The following CFAP54 variants were observed in gnomAD, a reference collection of about 807,000 sequenced individuals.
CFAP54 encodes cilia- and flagella-associated protein 54.
CFAP54 carries 290 observed loss-of-function variants against 370.4 expected under a neutral mutation model. The observed-to-expected ratio is 0.78, with a 90% CI of 0.71 to 0.86. The LOEUF (loss-of-function observed/expected upper bound fraction) is 0.86, where lower values mean the gene tolerates loss of function less well. Among genes scored for constraint, CFAP54 ranks in the 40% least tolerant of loss-of-function variants. The pLI, the probability that CFAP54 is intolerant of heterozygous loss-of-function variation, is 0.00. For synonymous variants in CFAP54, 1,206 were observed against 1,236.5 expected (o/e 0.98, Z 0.52); for missense variants, 3,399 against 3,528.7 (o/e 0.96, Z 0.93).
chr12:96,768,284 G>A (rs1958422491), intron 60 of CFAP54, among the ~76,000 whole-genome samples: 1 of 151,794 alleles, frequency 6.6e-6, no homozygotes, highest in Admixed American at 6.6e-5. Flanking sequence ...TCGCACCATT[G>A]CACTCCAGCC....
chr12:96,620,348 C>G (rs576371263), intron 26 of CFAP54, among the ~76,000 whole-genome samples: 2 of 152,280 alleles, frequency 1.3e-5, no homozygotes, highest in Non-Finnish European at 2.9e-5. Flanking sequence ...CGGGTCTTTC[C>G]TGTGCTGTTC....
chr12:96,784,581 A>C, intron 60 of CFAP54, 136 bp from the exon 61 acceptor site: 1 of 595,194 alleles, frequency 1.7e-6, no homozygotes, highest in Non-Finnish European at 2.6e-6. Flanking sequence ...TGCATGATAC[A>C]AAAGACTTTT....
At chr12:96,850,894 C>A in intron 66 of CFAP54, among the ~76,000 whole-genome samples, 1 of 152,078 alleles carries the variant, frequency 6.6e-6, no homozygotes, top group Non-Finnish European at 1.5e-5. Flanking sequence ...GAGGAAACCA[C>A]CCCCGTGATC....
At chr12:96,751,107 C>A (rs186909134) in intron 55 of CFAP54, among the ~76,000 whole-genome samples, 82 of 152,100 alleles carry the variant, frequency 5.4e-4, no homozygotes, top group Admixed American at 1.0e-3. Context: ...TATTTAAAAT[C>A]TTTTTTTAAT....
chr12:96,787,217 T>C (rs1191662367), intron 62 of CFAP54, among the ~76,000 whole-genome samples: 1 of 152,210 alleles, frequency 6.6e-6, no homozygotes. Flanking sequence ...GTATCATCAC[T>C]CTATAAGAAA....
At chr12:96,787,486 G>A (rs184591915) in intron 62 of CFAP54, among the ~76,000 whole-genome samples, 1 of 152,266 alleles carries the variant, frequency 6.6e-6, no homozygotes, top group East Asian at 1.9e-4. Context: ...GAATATAAAT[G>A]GAGATTTTTC....
At chr12:96,778,349 C>A (rs1958544611) in intron 60 of CFAP54, among the ~76,000 whole-genome samples, 1 of 152,154 alleles carries the variant, frequency 6.6e-6, no homozygotes, top group South Asian at 2.1e-4. Flanking sequence ...TGAAAGGCTG[C>A]AACAAATAAT....
chr12:96,592,560 A>G lies in CFAP54; in HGVS notation c.3283A>G (p.Thr1095Ala), dbSNP rs1168525064. The change falls in exon 24 of 68, where the codon ACA becomes GCA. Residue 1095 changes from threonine to alanine, a missense_variant. This residue lies in a region of CFAP54 where 2,796 missense variants were observed against 2,869.7 expected (regional missense o/e 0.97). Coordinates refer to ENST00000524981, the MANE Select transcript of CFAP54 (RefSeq NM_001306084.2). ...LYLFLRNIFVTSDIKIKEENL... is the reference protein window; with the variant it reads ...LYLFLRNIFVASDIKIKEENL... Reference sequence around the variant, plus strand: ...CCTTTTTCTTAGAAATATTTTTGTAACAAGTGACATCAAAATTAAAGAAGA... The same window carrying G: ...CCTTTTTCTTAGAAATATTTTTGTAGCAAGTGACATCAAAATTAAAGAAGA... 1.7e-6 allele frequency: 2 copies of G among 1,191,536 alleles called. No homozygotes were observed. The highest frequency in any genetic ancestry group is 2.3e-6 in the Non-Finnish European group (2 of 875,102). The allele number at this position is 1,191,536 out of a possible 1,614,324, so 73.8% of individuals were successfully genotyped here.
intron 62 of CFAP54, among the ~76,000 whole-genome samples, chr12:96,789,830 C>G (rs1477227497): frequency 6.6e-6 from 1 of 152,126 alleles, no homozygotes; most frequent in Non-Finnish European, 1.5e-5. Flanking sequence ...ACAGGTGAAG[C>G]CACCTCATCA....
intron 67 of CFAP54, 147 bp downstream of exon 67, chr12:96,861,099 T>C (rs1592818082): frequency 3.4e-6 from 2 of 582,858 alleles, no homozygotes; most frequent in Middle Eastern, 4.8e-4. Context: ...ATGTCTTAAA[T>C]TGTACCTGAA....
At chr12:96,861,285 T>A (rs1250637682) in intron 67 of CFAP54, among the ~76,000 whole-genome samples, 1 of 152,220 alleles carries the variant, frequency 6.6e-6, no homozygotes, top group Non-Finnish European at 1.5e-5. Context: ...GGAGTGATTT[T>A]GTCCATTAGG....
At chr12:96,517,832 G>A (rs933743171) in intron 5 of CFAP54, among the ~76,000 whole-genome samples, 1 of 152,204 alleles carries the variant, frequency 6.6e-6, no homozygotes, top group Non-Finnish European at 1.5e-5. Flanking sequence ...GTGCAGTTCC[G>A]TGAGGGATGG....
chr12:96,510,271 A>G (rs559632229), intron 4 of CFAP54, among the ~76,000 whole-genome samples: 42 of 148,608 alleles, frequency 2.8e-4, no homozygotes, highest in African/African-American at 9.7e-4. Context: ...AAAAAAAAAA[A>G]GAACAAAGGA....
chr12:96,489,861 C>A lies in CFAP54; in HGVS notation c.252C>A (p.Gly84=). Reference sequence around the variant, plus strand: ...AGAAGGAGATCCAGGAGTTGTTAGGCTTTATGAGGAAAAAGAAGGCTTTAG... The same window carrying A: ...AGAAGGAGATCCAGGAGTTGTTAGGATTTATGAGGAAAAAGAAGGCTTTAG... ...SCEKEIQELL[G]FMRKKKALAT... The change falls in exon 1 of 68, where the codon GGC becomes GGA. Residue 84 remains glycine, a synonymous_variant. Transcript: ENST00000524981. 4.6e-6 allele frequency: 7 copies of A among 1,536,036 alleles called. No individual in the cohort carries two copies. The highest frequency in any genetic ancestry group is 6.1e-6 in the Non-Finnish European group (7 of 1,146,888).
At chr12:96,829,459 C>G (rs1565995168) in intron 66 of CFAP54, among the ~76,000 whole-genome samples, 1 of 151,880 alleles carries the variant, frequency 6.6e-6, no homozygotes, top group Non-Finnish European at 1.5e-5. Flanking sequence ...TTGCTTTTTT[C>G]ATCGAATAAT....
chr12:96,500,889 T>G lies in CFAP54; in HGVS notation c.373T>G (p.Tyr125Asp). 4 of 1,535,440 alleles carry G rather than the reference T, an allele frequency of 2.6e-6. No individual in the cohort carries two copies. Among genetic ancestry groups the G allele is most frequent in the African/African-American group, 1.4e-5 (1 of 73,128 alleles). ...ATACGCCCCCAGGCTGCCAGCAGAC[T>G]ATTACAACGAAAAGCTTCTGAAGGT... ...TKYAPRLPAD[Y>D]YNEKLLKVGD... Residue 125 changes from tyrosine (Y) to aspartate (D), a missense_variant, in exon 2 of 68, where the codon TAT becomes GAT. By Grantham distance (160) the Tyr-to-Asp change is radical (BLOSUM62 -3). Transcript: ENST00000524981.
chr12:96,835,520 A>G (rs1259057781), intron 66 of CFAP54, among the ~76,000 whole-genome samples: 1 of 152,076 alleles, frequency 6.6e-6, no homozygotes, highest in Non-Finnish European at 1.5e-5. Flanking sequence ...TCTGCCCAGG[A>G]ACCTGTCTGC....
At chr12:96,660,750 C>T (rs1010286679) in intron 38 of CFAP54, among the ~76,000 whole-genome samples, 1 of 152,086 alleles carries the variant, frequency 6.6e-6, no homozygotes, top group East Asian at 1.9e-4. Flanking sequence ...AGCATCAGAC[C>T]CCAGAGGTTG....
At chr12:96,603,091 G>C (rs1237492053) in intron 26 of CFAP54, among the ~76,000 whole-genome samples, 1 of 152,164 alleles carries the variant, frequency 6.6e-6, no homozygotes. Context: ...GCAGTGGCTG[G>C]TACCAGTTGT....
Sources: allele counts gnomAD v4.1 joint callset (sites outside exome capture counted in the v4.1 genomes callset), GRCh38; gene constraint gnomAD v4.1.1; regional missense constraint gnomAD v4.1.1; transcripts MANE v1.5; gene names NCBI Gene and HGNC (gene_info 2026-07-23, HGNC 2026-07-21).